The following SYNE1 variants were observed in gnomAD, a reference collection of about 807,000 sequenced individuals.
SYNE1 encodes nesprin-1.
In SYNE1, 616 loss-of-function variants were observed where a neutral mutation model predicts 1,111.0. The observed-to-expected ratio is 0.55, with a 90% CI of 0.52 to 0.59. The LOEUF (loss-of-function observed/expected upper bound fraction) is 0.59. SYNE1 is among the 20% of genes least tolerant of loss of function. The pLI is 0.00. For synonymous variants in SYNE1, 3,855 were observed against 3,825.8 expected (o/e 1.01, Z -0.28); for missense variants, 10,006 against 10,417.0 (o/e 0.96, Z 1.72).
intron 3 of SYNE1, among the ~76,000 whole-genome samples, chr6:152,541,282 G>A (rs2099268320): frequency 6.6e-6 from 1 of 152,116 alleles, no homozygotes; most frequent in African/African-American, 2.4e-5. Context: ...CCATTTGTTT[G>A]TATCATCTAT....
chr6:152,586,480 C>G (rs1020441420), intron 3 of SYNE1, among the ~76,000 whole-genome samples: 26 of 152,072 alleles, frequency 1.7e-4, no homozygotes, highest in African/African-American at 6.3e-4. Context: ...TCCTTTATGT[C>G]TTCCAGTCAT....
chr6:152,484,434 TG>T (rs1328967496), intron 13 of SYNE1, among the ~76,000 whole-genome samples: 2 of 152,198 alleles, frequency 1.3e-5, no homozygotes, highest in Non-Finnish European at 2.9e-5. Context: ...GGTCATTAAC[TG>T]TTGATGAAAC....
intron 78 of SYNE1, among the ~76,000 whole-genome samples, chr6:152,329,100 TATA>T (rs2153966652): frequency 6.6e-6 from 1 of 152,360 alleles, no homozygotes; most frequent in African/African-American, 2.4e-5. Context: ...TGTACTAATA[TATA>T]ATATTAATTA....
chr6:152,411,787 A>G (rs1233776904), intron 42 of SYNE1, among the ~76,000 whole-genome samples: 1 of 151,890 alleles, frequency 6.6e-6, no homozygotes, highest in Non-Finnish European at 1.5e-5. Flanking sequence ...CAACCAAGCA[A>G]ATAAACAAAA....
At chr6:152,602,203 A>G (rs1433946863) in intron 3 of SYNE1, among the ~76,000 whole-genome samples, 1 of 152,156 alleles carries the variant, frequency 6.6e-6, no homozygotes, top group Non-Finnish European at 1.5e-5. Flanking sequence ...GGACTTCAGA[A>G]TGTGACCTTA....
At chr6:152,315,845 G>C (rs2095703782) in intron 87 of SYNE1, 1 of 152,164 alleles carries the variant, frequency 6.6e-6, no homozygotes, top group Admixed American at 6.5e-5. Context: ...AAGAAAGACT[G>C]TGAATATAGG....
At chr6:152,306,359 G>A (rs1010621316) in intron 91 of SYNE1, among the ~76,000 whole-genome samples, 6 of 151,774 alleles carry the variant, frequency 4.0e-5, no homozygotes, top group Non-Finnish European at 7.4e-5. Flanking sequence ...GGTGATGTGC[G>A]CCTGTAATCC....
intron 128 of SYNE1, 98 bp from the exon 129 acceptor site, chr6:152,180,392 T>C (rs149298988): frequency 8.0e-6 from 9 of 1,120,538 alleles, no homozygotes; most frequent in South Asian, 2.6e-5. Context: ...AAATGAATGA[T>C]AGTCATACAT....
intron 122 of SYNE1, among the ~76,000 whole-genome samples, chr6:152,214,622 C>A (rs1418853739): frequency 1.3e-5 from 2 of 152,220 alleles, no homozygotes; most frequent in African/African-American, 4.8e-5. Context: ...AAGATTCACA[C>A]AGCGTTCAGC....
At chr6:152,333,102 C>G (rs2096285571) in intron 77 of SYNE1, among the ~76,000 whole-genome samples, 2 of 152,168 alleles carry the variant, frequency 1.3e-5, no homozygotes, top group Non-Finnish European at 2.9e-5. Context: ...GTTTTCTTTG[C>G]TGTAAACTAG....
At chr6:152,448,841 A>AAAACAAAC (rs80176844) in intron 28 of SYNE1, among the ~76,000 whole-genome samples, 15,843 of 151,654 alleles carry the variant, frequency 0.1, 1,039 homozygotes, top group East Asian at 0.34. Context: ...CTTGTCTCAA[A>AAAACAAAC]AAACAAACAA....
intron 91 of SYNE1, among the ~76,000 whole-genome samples, chr6:152,306,986 T>C (rs935034280): frequency 6.6e-6 from 1 of 151,678 alleles, no homozygotes; most frequent in Admixed American, 6.6e-5. Flanking sequence ...ATAACAATTA[T>C]TACTCCAGAA....
chr6:152,340,453 C>T (rs2096509491), intron 74 of SYNE1, among the ~76,000 whole-genome samples: 1 of 152,138 alleles, frequency 6.6e-6, no homozygotes, highest in Admixed American at 6.5e-5. Context: ...TGACTTATAG[C>T]TTGCTAGAAC....
chr6:152,452,529 G>C (rs2098659796), intron 25 of SYNE1, among the ~76,000 whole-genome samples: 1 of 152,150 alleles, frequency 6.6e-6, no homozygotes, highest in African/African-American at 2.4e-5. Flanking sequence ...TTTAGCTTAT[G>C]TTACTGAGAT....
Position 152,367,205 on chromosome 6 carries a change from T to C in SYNE1, c.9972+13A>G. 6.2e-7 allele frequency: 1 copy of C among 1,614,212 alleles called. No homozygotes were observed. Among genetic ancestry groups the C allele is most frequent in the South Asian group, 1.1e-5 (1 of 91,088 alleles). On this transcript the variant is annotated intron_variant, in intron 62 of 145. Transcript: ENST00000367255. Reference sequence around the variant, plus strand: ...TCTGTAGGTTGGAGATATTTCTGTGTAAAGATGCACACCTCGAGCTTGAGC... The same window carrying C: ...TCTGTAGGTTGGAGATATTTCTGTGCAAAGATGCACACCTCGAGCTTGAGC...
chr6:152,540,976 C>T (rs77111191), intron 3 of SYNE1, among the ~76,000 whole-genome samples: 4,605 of 152,234 alleles, frequency 0.03, 256 homozygotes, highest in African/African-American at 0.11. Context: ...CCTTGTAAGA[C>T]CCTGAACAGA....
Position 152,347,059 on chromosome 6 carries a change from C to T in SYNE1, c.12078G>A (p.Arg4026=). 1 of 1,614,182 alleles carries T rather than the reference C, an allele frequency of 6.2e-7. No homozygotes were observed. The highest frequency in any genetic ancestry group is 8.5e-7 in the Non-Finnish European group (1 of 1,180,034). The change falls in exon 73 of 146, where the codon AGG becomes AGA. Residue 4026 remains arginine (R), a splice_region_variant and synonymous_variant. Coordinates refer to ENST00000367255, the MANE Select transcript of SYNE1 (RefSeq NM_182961.4). ...SYSAICSTAQ[R]MYQSLEHELQ... is the part of the protein sequence containing the mutation. ...TGTGGAATGTTCTGGGGGCACTCAC[C>T]CTCTGAGCTGTGCTGCAGATCGCTG...
chr6:152,399,395 C>T (rs2097779160), intron 48 of SYNE1, among the ~76,000 whole-genome samples: 1 of 152,158 alleles, frequency 6.6e-6, no homozygotes, highest in Non-Finnish European at 1.5e-5. Context: ...ATGGTGAACT[C>T]TTGCTTTCTT....
At chr6:152,425,311 T>G (rs1034757324) in intron 39 of SYNE1, 70 bp downstream of exon 39, 1 of 1,526,410 alleles carries the variant, frequency 6.6e-7, no homozygotes, top group Non-Finnish European at 9.0e-7. Flanking sequence ...AAACTATGCT[T>G]TCTTAATTTA....
Sources: gnomAD v4.1 joint callset for allele counts (sites outside exome capture counted in the v4.1 genomes callset) on GRCh38, gnomAD v4.1.1 for gene constraint, MANE v1.5 for transcripts, NCBI Gene and HGNC (gene_info 2026-07-23, HGNC 2026-07-21) for gene names.